FOXP1: variants seen among roughly 807,000 people sequenced by gnomAD.
The protein encoded by FOXP1 is forkhead box P1, also known as forkhead box protein P1.
Under a neutral mutation model 98.2 loss-of-function variants are expected in FOXP1, and 15 were observed. That is an observed-to-expected ratio of 0.15 (90% confidence interval 0.10 to 0.24). FOXP1 has a LOEUF of 0.24. FOXP1 is among the 10% of genes least tolerant of loss of function. The pLI is 1.00. For missense variants in FOXP1, 633 were observed against 848.5 expected, an observed-to-expected ratio of 0.75 and a Z score of 3.15; for synonymous variants, 371 against 314.5, an observed-to-expected ratio of 1.18 and a Z score of -1.90.
At chr3:71,502,993 A>AC (rs1024554060) in intron 2 of FOXP1, among the ~76,000 whole-genome samples, 1 of 151,686 alleles carries the variant, frequency 6.6e-6, no homozygotes, top group Non-Finnish European at 1.5e-5. Context: ...AAAAAAAAAA[A>AC]AACAAGTAGT....
chr3:71,177,505 A>G (rs2062011478), intron 6 of FOXP1, among the ~76,000 whole-genome samples: 3 of 152,218 alleles, frequency 2.0e-5, no homozygotes, highest in African/African-American at 7.2e-5. Flanking sequence ...GATCATCACC[A>G]CAATAAACAA....
At chr3:71,560,969 T>C (rs756360047) in intron 2 of FOXP1, among the ~76,000 whole-genome samples, 41 of 152,160 alleles carry the variant, frequency 2.7e-4, no homozygotes, top group Non-Finnish European at 5.3e-4. Context: ...GTTTCTTCTG[T>C]GGGACATAAA....
intron 5 of FOXP1, among the ~76,000 whole-genome samples, chr3:71,261,134 A>G (rs1216984102): frequency 1.3e-5 from 2 of 152,198 alleles, no homozygotes. Flanking sequence ...AGGGTATTAC[A>G]CAACCTATCA....
chr3:71,171,831 C>G (rs906733998), intron 6 of FOXP1, among the ~76,000 whole-genome samples: 1 of 152,236 alleles, frequency 6.6e-6, no homozygotes, highest in Non-Finnish European at 1.5e-5. Context: ...TTAACCCTAT[C>G]TTACAGATGT....
rs1004376589 is a variant in FOXP1 at position 71,477,782 on chromosome 3, G to A, written c.-168+15644C>T. 6.6e-5 allele frequency among the ~76,000 whole-genome samples: 10 copies of A among 152,174 alleles called. No homozygotes were observed. The East Asian group carries it at 1.9e-3, about 29-fold the overall frequency. ...GTGACAATGGAAAAGAATATTACAA[G>A]GTAATTTCTAATATTGAAGATTTGT... is the stretch of plus-strand genomic sequence containing the variant. On this transcript the variant is annotated intron_variant, in intron 3 of 20. Transcript: ENST00000649528.
chr3:71,512,352 C>A (rs913263684), intron 2 of FOXP1, among the ~76,000 whole-genome samples: 14 of 152,078 alleles, frequency 9.2e-5, no homozygotes, highest in African/African-American at 2.9e-4. Flanking sequence ...GCAGACACAC[C>A]CTGTAAGCAA....
chr3:71,370,301 G>A (rs1210346441), intron 3 of FOXP1, among the ~76,000 whole-genome samples: 2 of 152,128 alleles, frequency 1.3e-5, no homozygotes, highest in African/African-American at 4.8e-5. Flanking sequence ...TGTAACTTAA[G>A]ACAAAAACAC....
At chr3:71,187,393 T>G (rs912111676) in intron 6 of FOXP1, among the ~76,000 whole-genome samples, 2 of 151,912 alleles carry the variant, frequency 1.3e-5, no homozygotes, top group Non-Finnish European at 2.9e-5. Flanking sequence ...TGAGACCAGC[T>G]TGGACAACAT....
intron 3 of FOXP1, among the ~76,000 whole-genome samples, chr3:71,442,302 G>A (rs183052301): frequency 7.0e-4 from 105 of 150,608 alleles, no homozygotes; most frequent in Middle Eastern, 3.4e-3. Context: ...CTAAGGACAC[G>A]TCTTTGTATA....
At chr3:71,044,815 C>T (rs2048808875) in intron 10 of FOXP1, among the ~76,000 whole-genome samples, 1 of 152,162 alleles carries the variant, frequency 6.6e-6, no homozygotes, top group South Asian at 2.1e-4. Flanking sequence ...AATTTTACAA[C>T]CCCAGGTATC....
chr3:71,510,873 T>A (rs181881541), intron 2 of FOXP1, among the ~76,000 whole-genome samples: 6 of 152,344 alleles, frequency 3.9e-5, no homozygotes, highest in African/African-American at 9.6e-5. Flanking sequence ...ACAATTTTTT[T>A]AAAACTGAGT....
At chr3:71,009,155 C>CGGGGGCGGG (rs1400348266) in intron 12 of FOXP1, among the ~76,000 whole-genome samples, 1 of 20,796 alleles carries the variant, frequency 4.8e-5, no homozygotes, top group Non-Finnish European at 1.3e-4. Flanking sequence ...ATCATGGGGG[C>CGGGGGCGGG]GGGGGGGGGG....
chr3:71,060,411 T>C (rs1247338773), intron 7 of FOXP1, among the ~76,000 whole-genome samples: 2 of 152,132 alleles, frequency 1.3e-5, no homozygotes, highest in Admixed American at 6.5e-5. Flanking sequence ...TTATTTATAA[T>C]GAAGACAAAG....
chr3:71,354,662 T>C (rs532935808), intron 4 of FOXP1, among the ~76,000 whole-genome samples: 185 of 152,360 alleles, frequency 1.2e-3, no homozygotes, highest in Middle Eastern at 6.8e-3. Flanking sequence ...TTTGCCATCT[T>C]TGCCACCTCT....
At chr3:71,487,452 G>A (rs2090741355) in intron 3 of FOXP1, among the ~76,000 whole-genome samples, 1 of 152,164 alleles carries the variant, frequency 6.6e-6, no homozygotes, top group Admixed American at 6.5e-5. Flanking sequence ...AAACTGCAAA[G>A]ATCGCTCAAA....
At chr3:71,571,554 A>C (rs1338833907) in intron 2 of FOXP1, 1 of 152,222 alleles carries the variant, frequency 6.6e-6, no homozygotes, top group African/African-American at 2.4e-5. Context: ...AAAAAAATTA[A>C]GTTTTTCCAA....
Position 70,992,978 on chromosome 3 carries a change from T to C in FOXP1, c.1063-4901A>G, listed in dbSNP as rs575781103. On this transcript the variant is annotated intron_variant, in intron 13 of 20. Transcript: ENST00000649528. ...TCAGGAGGCTCTGTGAGGCCGCTAGTATAGGAACTGTCCTGAGTATTGCCT... is the reference window on the plus strand; with the variant it reads ...TCAGGAGGCTCTGTGAGGCCGCTAGCATAGGAACTGTCCTGAGTATTGCCT... Among the ~76,000 whole-genome samples, 35 of 152,222 alleles carry C rather than the reference T, an allele frequency of 2.3e-4. No homozygotes were observed. In the South Asian group the frequency reaches 7.1e-3, roughly 31 times the overall value.
intron 2 of FOXP1, among the ~76,000 whole-genome samples, chr3:71,535,711 G>A (rs889806550): frequency 1.3e-5 from 2 of 152,094 alleles, no homozygotes; most frequent in African/African-American, 4.8e-5. Context: ...GTGACAGAGG[G>A]AGACTCTGTC....
At chr3:71,352,480 A>AC (rs1283280407) in intron 4 of FOXP1, among the ~76,000 whole-genome samples, 4 of 149,474 alleles carry the variant, frequency 2.7e-5, no homozygotes, top group South Asian at 4.3e-4. Context: ...CAAAAAAAAA[A>AC]AAAAAAAAAA....
Sources: allele counts gnomAD v4.1 joint callset (sites outside exome capture counted in the v4.1 genomes callset), GRCh38; gene constraint gnomAD v4.1.1; transcripts MANE v1.5; gene names NCBI Gene and HGNC (gene_info 2026-07-23, HGNC 2026-07-21).